UGGT1: variants seen among roughly 807,000 people sequenced by gnomAD.
UGGT1 encodes UDP-glucose:glycoprotein glucosyltransferase 1.
A neutral mutation model predicts 203.9 loss-of-function variants in UGGT1; 107 were observed. The ratio of observed to expected loss-of-function variants is 0.52; its 90% confidence interval spans 0.45 to 0.62. The LOEUF (loss-of-function observed/expected upper bound fraction) is 0.62. UGGT1 is among the 20% of genes least tolerant of loss of function. UGGT1 has a pLI of 0.00. For missense variants in UGGT1, 1,673 were observed against 1,867.2 expected (o/e 0.90, Z 1.92); for synonymous variants, 628 against 653.5 (o/e 0.96, Z 0.59).
rs370132085 is a variant in UGGT1 at position 128,111,657 on chromosome 2, G to A, written c.522-1427G>A. Among the ~76,000 whole-genome samples, 24 of 151,894 alleles carry A rather than the reference G, an allele frequency of 1.6e-4. 1 individual carries two copies. In the East Asian group the frequency reaches 3.9e-3, roughly 25 times the overall value. Reference sequence around the variant, plus strand: ...AGTACAGGCACCCACCACCATGCCCGGCTAGTTTTTTGTATTTTTAGTAGA... The same window carrying A: ...AGTACAGGCACCCACCACCATGCCCAGCTAGTTTTTTGTATTTTTAGTAGA... On this transcript the variant is annotated intron_variant, in intron 5 of 40. Transcript: ENST00000259253.
In UGGT1 at chr2:128,181,037, G is replaced by T; in HGVS notation, c.4048G>T (p.Val1350Phe). Residue 1350 changes from valine (V) to phenylalanine (F), a missense_variant, in exon 36 of 41, where the codon GTT becomes TTT. Val to Phe is a conservative substitution (Grantham distance 50, BLOSUM62 -1). Around this residue, in one of 4 missense-constraint regions of UGGT1, gnomAD observed 513 missense variants for 684.1 expected, o/e 0.75. Coordinates refer to ENST00000259253, the MANE Select transcript of UGGT1 (RefSeq NM_020120.4). ...CTTCCTGGATGTACTTTTCCCACTA[G>T]TTGTTGACAAGTTCCTGTTTGTGGA... ...ILFLDVLFPL[V>F]VDKFLFVDAD... The T allele has an allele frequency of 6.2e-7, 1 of 1,614,168 alleles. No individual in the cohort carries two copies. Among genetic ancestry groups the T allele is most frequent in the Non-Finnish European group, 8.5e-7 (1 of 1,180,018 alleles).
intron 20 of UGGT1, among the ~76,000 whole-genome samples, chr2:128,156,127 G>A (rs990508091): frequency 6.6e-6 from 1 of 152,106 alleles, no homozygotes; most frequent in African/African-American, 2.4e-5. Flanking sequence ...TATTTTTACC[G>A]CCTTTTTAAA....
chr2:128,129,217 C>T (rs368698922), intron 13 of UGGT1, 38 bp downstream of exon 13: 2 of 1,567,284 alleles, frequency 1.3e-6, no homozygotes, highest in African/African-American at 2.8e-5. Flanking sequence ...GACTTTCTGA[C>T]CAGGAATCTT....
At chr2:128,097,337 T>A (rs1045643800) in intron 1 of UGGT1, 92 bp from the exon 2 acceptor site, 9 of 1,440,938 alleles carry the variant, frequency 6.2e-6, no homozygotes, top group Non-Finnish European at 7.4e-6. Flanking sequence ...ATTGCACCAC[T>A]GCACTCCAGC....
At chr2:128,179,295 A>C (rs1325096931) in intron 34 of UGGT1, among the ~76,000 whole-genome samples, 1 of 152,174 alleles carries the variant, frequency 6.6e-6, no homozygotes, top group Non-Finnish European at 1.5e-5. Context: ...CCATTCAAAA[A>C]TGTGGTTTTG....
At position 128,186,386 on chromosome 2, in the gene UGGT1, C is replaced by T. The variant is rs763189141; in HGVS notation, c.4360-297C>T. 5.0e-4 allele frequency among the ~76,000 whole-genome samples: 76 copies of T among 152,272 alleles called. No homozygotes were observed. In the Middle Eastern group the frequency reaches 0.01, roughly 20 times the overall value. ...CTTTGTGAGGCTAAGGTGGGTGGAT[C>T]GCCTAAGCTCAGCAGTTTGAGACCA... On this transcript the variant is annotated intron_variant, in intron 38 of 40. Transcript: ENST00000259253.
intron 6 of UGGT1, among the ~76,000 whole-genome samples, chr2:128,114,671 C>T (rs1334298743): frequency 1.3e-5 from 2 of 152,130 alleles, no homozygotes; most frequent in East Asian, 1.9e-4. Flanking sequence ...AGCTTTCAAC[C>T]CTGCTCTGTA....
Position 128,163,417 on chromosome 2 carries a change from G to A in UGGT1, c.2826-1313G>A, listed in dbSNP as rs191186206. Among the ~76,000 whole-genome samples, 64 of 138,808 alleles carry A rather than the reference G, an allele frequency of 4.6e-4. 1 individual carries two copies. The highest frequency in any genetic ancestry group is 1.4e-3 in the African/African-American group (51 of 37,398). 91.1% of individuals were successfully genotyped at this position (138,808 alleles called of 152,430 possible). On this transcript the variant is annotated intron_variant, in intron 25 of 40. Transcript: ENST00000259253. ...CAGGTTTAGTTCAAGATCTTTTTCAGTTAGAAATCAATTTTAGGCTGGGCG... is the reference window on the plus strand; with the variant it reads ...CAGGTTTAGTTCAAGATCTTTTTCAATTAGAAATCAATTTTAGGCTGGGCG...
intron 8 of UGGT1, among the ~76,000 whole-genome samples, chr2:128,117,175 C>T (rs141919498): frequency 5.5e-4 from 83 of 152,144 alleles, no homozygotes; most frequent in Middle Eastern, 3.4e-3. Flanking sequence ...CTGCAACCTC[C>T]GTCTCCTGGG....
In UGGT1 at chr2:128,170,399, G is replaced by A. The variant is rs777518168; in HGVS notation, c.3024+9G>A. 4 of 1,611,250 alleles carry A rather than the reference G, an allele frequency of 2.5e-6. No homozygotes were observed. The highest frequency in any genetic ancestry group is 1.3e-5 in the African/African-American group (1 of 74,984). On this transcript the variant is annotated intron_variant, in intron 27 of 40. Transcript: ENST00000259253. ...TTGCTCCTTTGCTCTTGGTAGGAAC[G>A]CTGTGCAGGAAGTGTACATCACCTT...
At chr2:128,129,242 AT>A (rs1164006268) in intron 13 of UGGT1, 63 bp downstream of exon 13, 1 of 1,533,370 alleles carries the variant, frequency 6.5e-7, no homozygotes, top group East Asian at 2.4e-5. Flanking sequence ...ATGGTTTCTG[AT>A]TTGTCTCTTA....
intron 38 of UGGT1, among the ~76,000 whole-genome samples, chr2:128,184,078 T>C (rs1235090128): frequency 6.6e-6 from 1 of 152,152 alleles, no homozygotes; most frequent in Non-Finnish European, 1.5e-5. Flanking sequence ...TCTTTGTATT[T>C]TGTACTCAAA....
chr2:128,139,051 G>A (rs1689282431), intron 16 of UGGT1, among the ~76,000 whole-genome samples, 199 bp downstream of exon 16: 1 of 152,220 alleles, frequency 6.6e-6, no homozygotes, highest in Admixed American at 6.5e-5. Context: ...GCCAGTTGAT[G>A]AGCTGTTGCA....
At chr2:128,150,348 G>A (rs112414590) in intron 18 of UGGT1, among the ~76,000 whole-genome samples, 9 of 152,282 alleles carry the variant, frequency 5.9e-5, no homozygotes, top group African/African-American at 2.2e-4. Context: ...AGGCAGGAGG[G>A]TTGCTTGAGG....
chr2:128,122,070 A>T (rs182010057), intron 10 of UGGT1, among the ~76,000 whole-genome samples: 1 of 152,088 alleles, frequency 6.6e-6, no homozygotes, highest in East Asian at 2.0e-4. Flanking sequence ...ACAGAATAAG[A>T]TTTTGTTTGG....
At chr2:128,092,747 A>C (rs929720158) in intron 1 of UGGT1, among the ~76,000 whole-genome samples, 1 of 151,934 alleles carries the variant, frequency 6.6e-6, no homozygotes, top group Admixed American at 6.6e-5. Flanking sequence ...GTTAGAGAAT[A>C]GTGACATGAT....
rs1459640318 is a variant in UGGT1, at chr2:128,195,220, A to G, written c.*5478A>G. 1.3e-5 allele frequency: 2 copies of G among 152,228 alleles called. No homozygotes were observed. Among genetic ancestry groups the G allele is most frequent in the Admixed American group, 6.5e-5 (1 of 15,288 alleles). The allele number at this position is 152,228 out of a possible 1,614,324, so 9.4% of individuals were successfully genotyped here. A position where few individuals can be genotyped will look rare whatever the true frequency, so the allele number is the denominator to read the frequency against. On this transcript the variant is annotated 3_prime_UTR_variant, in exon 41 of 41. Coordinates refer to ENST00000259253, the MANE Select transcript of UGGT1 (RefSeq NM_020120.4). ...CCAGATACCCAGCAGTGCAGAGGCTAGCTGTGGAAGGTTGCAGTGGGACAG... is the reference window on the plus strand; with the variant it reads ...CCAGATACCCAGCAGTGCAGAGGCTGGCTGTGGAAGGTTGCAGTGGGACAG...
intron 13 of UGGT1, among the ~76,000 whole-genome samples, chr2:128,130,260 C>CAAAA (rs59253377): frequency 2.2e-5 from 2 of 89,602 alleles, no homozygotes; most frequent in African/African-American, 8.3e-5. Context: ...GACTCCGTCA[C>CAAAA]AAAAAAAAAA....
intron 17 of UGGT1, among the ~76,000 whole-genome samples, chr2:128,144,782 G>A (rs764285180): frequency 2.6e-5 from 4 of 152,098 alleles, no homozygotes; most frequent in Non-Finnish European, 5.9e-5. Flanking sequence ...CCGATGACTC[G>A]GATTAGTTAC....
Sources: allele counts gnomAD v4.1 joint callset (sites outside exome capture counted in the v4.1 genomes callset), GRCh38; gene constraint gnomAD v4.1.1; regional missense constraint gnomAD v4.1.1; transcripts MANE v1.5; gene names NCBI Gene and HGNC (gene_info 2026-07-23, HGNC 2026-07-21).